The following MBOAT2 variants were observed in gnomAD, a reference collection of about 807,000 sequenced individuals.
MBOAT2 encodes membrane-bound glycerophospholipid O-acyltransferase 2.
Under a neutral mutation model 63.4 loss-of-function variants are expected in MBOAT2, and 28 were observed. The ratio of observed to expected loss-of-function variants is 0.44; its 90% CI spans 0.33 to 0.61. MBOAT2 has a LOEUF of 0.61. Among genes scored for constraint, MBOAT2 ranks in the 20% least tolerant of loss-of-function variants. The pLI, the probability that MBOAT2 is intolerant of heterozygous loss-of-function variation, is 0.03. For synonymous variants in MBOAT2, 211 were observed against 215.6 expected, an observed-to-expected ratio of 0.98 and a Z score of 0.19; for missense variants, 470 against 605.8, an observed-to-expected ratio of 0.78 and a Z score of 2.35.
intron 8 of MBOAT2, among the ~76,000 whole-genome samples, chr2:8,870,063 A>C (rs1242652906): frequency 6.6e-6 from 1 of 152,188 alleles, no homozygotes; most frequent in Non-Finnish European, 1.5e-5. Flanking sequence ...TCTTTACCTC[A>C]GGTAATGTAA....
chr2:8,973,623 C>T (rs1184967606), intron 1 of MBOAT2, among the ~76,000 whole-genome samples: 4 of 149,224 alleles, frequency 2.7e-5, no homozygotes, highest in Admixed American at 2.0e-4. Flanking sequence ...CGGAAGCTCC[C>T]ACATATCAAT....
chr2:8,880,293 G>A (rs1663016441), intron 6 of MBOAT2, among the ~76,000 whole-genome samples: 1 of 152,078 alleles, frequency 6.6e-6, no homozygotes, highest in Admixed American at 6.5e-5. Context: ...TTTAAAGGAA[G>A]GGCTAACTTG....
At position 8,858,384 on chromosome 2, in the gene MBOAT2, C is replaced by T. The variant is rs929527057; in HGVS notation, c.*295G>A. The T allele has an allele frequency of 7.3e-6, 2 of 274,110 alleles. No homozygotes were observed. The highest frequency in any genetic ancestry group is 1.3e-4 in the East Asian group (2 of 15,250). 17.0% of individuals were successfully genotyped at this position (274,110 alleles called of 1,614,324 possible). On this transcript the variant is annotated 3_prime_UTR_variant, in exon 13 of 13. Transcript: ENST00000305997. ...TCCACCTCTTCAGTGCCTTGGGATA[C>T]GCAACATACATTCAGCAACAGGGCA... is the stretch of plus-strand genomic sequence containing the variant.
intron 1 of MBOAT2, among the ~76,000 whole-genome samples, chr2:8,995,143 C>A (rs1672189043): frequency 6.6e-6 from 1 of 152,154 alleles, no homozygotes; most frequent in Non-Finnish European, 1.5e-5. Flanking sequence ...AGAACTGCCA[C>A]ATAATCCGGC....
chr2:8,913,654 T>C (rs1053884616), intron 3 of MBOAT2, among the ~76,000 whole-genome samples: 1 of 151,930 alleles, frequency 6.6e-6, no homozygotes. Context: ...GCAAGAATGG[T>C]CATAATTAAA....
chr2:8,901,088 T>G (rs1241393724), intron 4 of MBOAT2, among the ~76,000 whole-genome samples: 1 of 152,184 alleles, frequency 6.6e-6, no homozygotes, highest in Non-Finnish European at 1.5e-5. Context: ...CCCTGGACCC[T>G]GCTGATCGGA....
intron 1 of MBOAT2, among the ~76,000 whole-genome samples, chr2:8,984,540 C>T (rs960849556): frequency 6.6e-6 from 1 of 152,012 alleles, no homozygotes; most frequent in Non-Finnish European, 1.5e-5. Context: ...TAAGTGGGAG[C>T]GCAAGTGGCT....
chr2:8,984,830 TA>T (rs1671445495), intron 1 of MBOAT2, among the ~76,000 whole-genome samples: 1 of 152,148 alleles, frequency 6.6e-6, no homozygotes, highest in Non-Finnish European at 1.5e-5. Flanking sequence ...GGGAGCCAAA[TA>T]ATATCAATCC....
intron 4 of MBOAT2, among the ~76,000 whole-genome samples, chr2:8,899,945 A>G (rs954101823): frequency 1.3e-5 from 2 of 152,140 alleles, no homozygotes; most frequent in African/African-American, 2.4e-5. Flanking sequence ...CTTTCTCCTG[A>G]TATCTGCGGC....
In MBOAT2 at chr2:8,932,806, T is replaced by C. The variant is rs867579416; in HGVS notation, c.299+10381A>G. On this transcript the variant is annotated intron_variant, in intron 3 of 12. Transcript: ENST00000305997. The stretch of plus-strand genomic sequence containing the variant: ...TGGCACATAGAAATCACTCCATCAT[T>C]CAAATTCCAAAGTCAAAGGCCAAAG... 5.3e-5 allele frequency among the ~76,000 whole-genome samples: 8 copies of C among 151,632 alleles called. No homozygotes were observed. The South Asian group carries it at 1.0e-3, about 20-fold the overall frequency.
At chr2:8,930,404 A>AG (rs1161949881) in intron 3 of MBOAT2, among the ~76,000 whole-genome samples, 2 of 150,248 alleles carry the variant, frequency 1.3e-5, no homozygotes, top group Non-Finnish European at 3.0e-5. Context: ...TACAAAGGAC[A>AG]TGAACTCATC....
intron 1 of MBOAT2, among the ~76,000 whole-genome samples, chr2:8,959,511 G>A (rs1180582472): frequency 1.3e-5 from 2 of 150,372 alleles, no homozygotes; most frequent in Non-Finnish European, 3.0e-5. Flanking sequence ...GCCCAGGCTG[G>A]ACTGCAGTGG....
chr2:8,870,264 A>C (rs1662218889), intron 8 of MBOAT2, among the ~76,000 whole-genome samples: 1 of 152,206 alleles, frequency 6.6e-6, no homozygotes, highest in South Asian at 2.1e-4. Context: ...GCAGGGCCAC[A>C]GGGCTGTGGA....
intron 3 of MBOAT2, among the ~76,000 whole-genome samples, chr2:8,935,180 C>CT: frequency 6.6e-6 from 1 of 152,258 alleles, no homozygotes; most frequent in Admixed American, 6.5e-5. Context: ...CAGAGAACAC[C>CT]AGGAGACTAC....
Position 8,862,446 on chromosome 2 carries a change from G to T in MBOAT2, c.1185+144C>A. The T allele has an allele frequency of 7.7e-7, 1 of 1,297,518 alleles. No homozygotes were observed. The highest frequency in any genetic ancestry group is 1.1e-6 in the Non-Finnish European group (1 of 943,712). 80.4% of individuals were successfully genotyped at this position (1,297,518 alleles called of 1,614,324 possible). A position where few individuals can be genotyped will look rare whatever the true frequency, so the allele number is the denominator to read the frequency against. ...TGGTGAGCGCTCAGCAAACATGCAC[G>T]CAGTACACACCTCGCTTCTAGTGGA... On this transcript the variant is annotated intron_variant, in intron 11 of 12. Transcript: ENST00000305997. This position sits in a 1 kb window ranked among gnomAD's most constrained non-coding sequence, Gnocchi z 4.3.
At chr2:8,916,744 T>C (rs781504726) in intron 3 of MBOAT2, among the ~76,000 whole-genome samples, 12 of 152,252 alleles carry the variant, frequency 7.9e-5, no homozygotes, top group Non-Finnish European at 1.6e-4. Context: ...GTAGCCCAAC[T>C]GCATAAAAGG....
chr2:8,907,561 A>G (rs1240275875), intron 4 of MBOAT2, among the ~76,000 whole-genome samples: 1 of 152,290 alleles, frequency 6.6e-6, no homozygotes, highest in African/African-American at 2.4e-5. Context: ...TTTTCCAGGA[A>G]TACCTACTAT....
intron 1 of MBOAT2, among the ~76,000 whole-genome samples, chr2:8,986,941 C>T (rs1671613156): frequency 6.6e-6 from 1 of 152,182 alleles, no homozygotes; most frequent in African/African-American, 2.4e-5. Context: ...GCCTCTGGAT[C>T]TGCGAGAAAA....
At chr2:8,882,402 T>C in intron 6 of MBOAT2, 109 bp downstream of exon 6, 6 of 1,103,708 alleles carry the variant, frequency 5.4e-6, no homozygotes, top group Non-Finnish European at 8.1e-6. Flanking sequence ...GGCTTGATTT[T>C]CAGAAGTAAG....
Sources: allele counts gnomAD v4.1 joint callset (sites outside exome capture counted in the v4.1 genomes callset), GRCh38; gene constraint gnomAD v4.1.1; non-coding constraint Gnocchi (gnomAD v3.1); transcripts MANE v1.5; gene names NCBI Gene and HGNC (gene_info 2026-07-23, HGNC 2026-07-21).